Variants in FUS observed in about 807,000 individuals in gnomAD.
FUS encodes RNA-binding protein FUS.
FUS carries 5 observed loss-of-function variants against 82.7 expected under a neutral mutation model. The observed-to-expected ratio is 0.06, with a 90% CI of 0.03 to 0.13. FUS has a LOEUF of 0.13. FUS is among the 10% of genes least tolerant of loss of function. FUS has a pLI of 1.00. For synonymous variants in FUS, 281 were observed against 247.4 expected (o/e 1.14, Z -1.27); for missense variants, 512 against 707.8 (o/e 0.72, Z 3.14).
At chr16:31,187,101 C>T (rs980595184) in intron 7 of FUS, 7 of 542,866 alleles carry the variant, frequency 1.3e-5, no homozygotes, top group East Asian at 3.0e-5. Context: ...TGGACTGGGC[C>T]GTTGCCACAC....
chr16:31,190,947 G>C lies in FUS; in HGVS notation c.1394-16G>C, dbSNP rs377713730. On this transcript the variant is annotated splice_polypyrimidine_tract_variant and intron_variant, in intron 13 of 14. Coordinates refer to ENST00000254108, the MANE Select transcript of FUS (RefSeq NM_004960.4). ...GGGGAATGGGAATATGATAGATCTT[G>C]TTTCTTTTGTCCTAGGGGGTAACTA... The C allele has an allele frequency of 9.3e-6, 15 of 1,610,706 alleles. No individual in the cohort carries two copies. The highest frequency in any genetic ancestry group is 1.3e-5 in the Non-Finnish European group (15 of 1,177,596).
chr16:31,194,607 G>A (rs917799180), downstream of FUS: 4 of 494,076 alleles, frequency 8.1e-6, no homozygotes, highest in African/African-American at 7.8e-5. Context: ...GTCCGGCTAT[G>A]AAAATTTTAT....
chr16:31,186,158 T>G, intron 6 of FUS: 1 of 241,366 alleles, frequency 4.1e-6, no homozygotes, highest in Non-Finnish European at 8.2e-6. Context: ...GACTGTTAAC[T>G]TGCTCTGCAT....
Position 31,182,410 on chromosome 16 carries a change from A to G in FUS, c.26A>G (p.Gln9Arg), listed in dbSNP as rs2079192932. Residue 9 changes from glutamine to arginine, a missense_variant, in exon 2 of 15, where the codon CAA becomes CGA. Around this residue, in one of 6 missense-constraint regions of FUS, gnomAD observed 276 missense variants for 303.3 expected, o/e 0.91. Coordinates refer to ENST00000254108, the MANE Select transcript of FUS (RefSeq NM_004960.4). ...TTTTCTTTTGCAGATTATACCCAACAAGCAACCCAAAGGTGAGTGCTATTT... is the reference window on the plus strand; with the variant it reads ...TTTTCTTTTGCAGATTATACCCAACGAGCAACCCAAAGGTGAGTGCTATTT... MASNDYTQ[Q>R]ATQSYGAYPT... 1.2e-6 allele frequency: 2 copies of G among 1,614,118 alleles called. No homozygotes were observed. Among genetic ancestry groups the G allele is most frequent in the African/African-American group, 1.3e-5 (1 of 74,938 alleles).
rs781123400 is a variant in FUS, at chr16:31,188,331, G to A, written c.806G>A (p.Arg269Gln). ...TTTTTCCATGTCACTAAAGGCCCTCGGGACCAAGGATCACGTCATGACTCC... is the reference window on the plus strand; with the variant it reads ...TTTTTCCATGTCACTAAAGGCCCTCAGGACCAAGGATCACGTCATGACTCC... The part of the protein sequence containing the change: ...RGGFNKFGGP[R>Q]DQGSRHDSEQ... Residue 269 changes from arginine to glutamine, a missense_variant, in exon 8 of 15, where the codon CGG becomes CAG. Around this residue, in one of 6 missense-constraint regions of FUS, gnomAD observed 51 missense variants for 72.2 expected, o/e 0.71. Transcript: ENST00000254108. The A allele has an allele frequency of 4.3e-6, 7 of 1,612,574 alleles. No individual in the cohort carries two copies. Among genetic ancestry groups the A allele is most frequent in the Non-Finnish European group, 5.9e-6 (7 of 1,179,778 alleles).
downstream of FUS, chr16:31,192,213 C>T (rs1392868658): frequency 1.9e-6 from 1 of 526,244 alleles, no homozygotes. Context: ...GGCTTGAGGT[C>T]ATTGACATTA....
chr16:31,193,840 G>A, downstream of FUS: 1 of 519,804 alleles, frequency 1.9e-6, no homozygotes, highest in South Asian at 1.6e-5. Context: ...TTAAGAAACA[G>A]GGTTTCACTG....
downstream of FUS, chr16:31,194,695 C>G (rs2079401398): frequency 4.1e-6 from 2 of 486,638 alleles, no homozygotes; most frequent in African/African-American, 2.0e-5. Context: ...TCAAATCAGG[C>G]TAATATATCC....
chr16:31,193,197 C>T (rs746363539), downstream of FUS: 1 of 492,366 alleles, frequency 2.0e-6, no homozygotes, highest in Non-Finnish European at 4.0e-6. Flanking sequence ...ACACCTCAGC[C>T]TCCCAATAAA....
At chr16:31,190,505 A>G (rs566507756) in intron 12 of FUS, 107 bp downstream of exon 12, 37 of 1,538,890 alleles carry the variant, frequency 2.4e-5, no homozygotes, top group Non-Finnish European at 3.0e-5. Context: ...TCAAGGCCAC[A>G]CTGTTGGGGT....
intron 14 of FUS, 51 bp downstream of exon 14, chr16:31,191,161 A>C (rs2079351884): frequency 6.2e-7 from 1 of 1,601,616 alleles, no homozygotes; most frequent in African/African-American, 1.3e-5. Flanking sequence ...CAGAGGCCAT[A>C]GGATAACAGG....
chr16:31,190,444 C>T (rs973315476), intron 12 of FUS, 46 bp downstream of exon 12: 4 of 1,613,036 alleles, frequency 2.5e-6, no homozygotes, highest in African/African-American at 2.7e-5. Flanking sequence ...CATGCGTGCT[C>T]TTTGATATAT....
At chr16:31,187,143 T>A (rs2079282395) in intron 7 of FUS, 1 of 498,276 alleles carries the variant, frequency 2.0e-6, no homozygotes, top group South Asian at 2.3e-5. Context: ...CATGAGAAAC[T>A]GGAGAGTGCG....
chr16:31,182,727 GT>G (rs749852846), intron 3 of FUS, 63 bp downstream of exon 3: 3 of 1,605,306 alleles, frequency 1.9e-6, no homozygotes, highest in Admixed American at 3.3e-5. Context: ...TCTTTTTCTT[GT>G]TTTTTGGAGA....
At chr16:31,183,819 C>T (rs756441151) in intron 3 of FUS, 39 bp from the exon 4 acceptor site, 8 of 1,613,646 alleles carry the variant, frequency 5.0e-6, no homozygotes, top group East Asian at 2.2e-5. Context: ...TTTCTCTTTC[C>T]TGGTGGCTTT....
At chr16:31,182,091 A>G (rs1255648895) in intron 1 of FUS, 3 of 403,486 alleles carry the variant, frequency 7.4e-6, no homozygotes, top group East Asian at 5.4e-5. Flanking sequence ...CCCGGGTTCA[A>G]GCGATTCTCC....
At chr16:31,180,936 A>G (rs1009541193) in intron 1 of FUS, among the ~76,000 whole-genome samples, 28 of 150,600 alleles carry the variant, frequency 1.9e-4, no homozygotes, top group African/African-American at 6.6e-4. Context: ...TTTTGGAGAC[A>G]CGGTCTTCCT....
At chr16:31,185,520 C>G (rs1055264388) in intron 6 of FUS, 4 of 575,478 alleles carry the variant, frequency 7.0e-6, no homozygotes, top group Non-Finnish European at 1.3e-5. Context: ...CAAGGGAAAC[C>G]GATGATCCCA....
At chr16:31,186,573 C>T in intron 6 of FUS, 4 of 584,900 alleles carry the variant, frequency 6.8e-6, no homozygotes, top group South Asian at 4.2e-5. Flanking sequence ...GATAACGTAA[C>T]CTTTTAAAGC....
Sources: gnomAD v4.1 joint callset for allele counts (sites outside exome capture counted in the v4.1 genomes callset) on GRCh38, gnomAD v4.1.1 for gene constraint, gnomAD v4.1.1 regional missense constraint, MANE v1.5 for transcripts, NCBI Gene and HGNC (gene_info 2026-07-23, HGNC 2026-07-21) for gene names.